The following PCDHGA12 variants were observed in gnomAD, a reference collection of about 807,000 sequenced individuals.
PCDHGA12 encodes the protein protocadherin gamma subfamily A, 12, also known as protocadherin gamma-A12.
PCDHGA12 carries 43 observed loss-of-function variants against 61.1 expected under a neutral mutation model. That is an observed-to-expected ratio of 0.70 (90% CI 0.55 to 0.91). The LOEUF (loss-of-function observed/expected upper bound fraction) is 0.91, where lower values mean the gene tolerates loss of function less well. Ranked by LOEUF, PCDHGA12 falls within the 40% of genes least tolerant of loss-of-function variation. PCDHGA12 has a pLI of 0.00. For synonymous variants in PCDHGA12, 520 were observed against 542.9 expected (o/e 0.96, Z 0.59); for missense variants, 1,236 against 1,227.7 (o/e 1.01, Z -0.10).
In PCDHGA12 at chr5:141,477,486, C is replaced by T. The variant is rs1472326209; in HGVS notation, c.2425-17321C>T. On this transcript the variant is annotated intron_variant, in intron 1 of 3. Coordinates refer to ENST00000252085, the MANE Select transcript of PCDHGA12 (RefSeq NM_003735.3). This position sits in a 1 kb window ranked among gnomAD's most constrained non-coding sequence, Gnocchi z 4.9. ...GACATCAATGACAACCCTCCACAATCTTCTCAATCTTCCTACGACGTTTAC... is the reference window on the plus strand; with the variant it reads ...GACATCAATGACAACCCTCCACAATTTTCTCAATCTTCCTACGACGTTTAC... 6.2e-7 allele frequency: 1 copy of T among 1,614,052 alleles called. No individual in the cohort carries two copies. The highest frequency in any genetic ancestry group is 1.3e-5 in the African/African-American group (1 of 74,914).
chr5:141,480,599 C>A (rs1202373543), intron 1 of PCDHGA12, among the ~76,000 whole-genome samples: 1 of 141,438 alleles, frequency 7.1e-6, no homozygotes, highest in East Asian at 1.9e-4. Flanking sequence ...TCTGGTCAGC[C>A]TGGAAAGCAA....
In PCDHGA12 at chr5:141,433,093, G is replaced by A. The variant is rs1203083573; in HGVS notation, c.2334G>A (p.Met778Ile). Residue 778 changes from methionine to isoleucine, a missense_variant, in exon 1 of 4, where the codon ATG (methionine) becomes ATA (isoleucine). By Grantham distance (10) the Met-to-Ile change is conservative. Coordinates refer to ENST00000252085, the MANE Select transcript of PCDHGA12 (RefSeq NM_003735.3). ...LIFPQPNYAD[M>I]LVSQESFEKS... Reference sequence around the variant, plus strand: ...TCCCCCAGCCCAACTATGCAGACATGCTCGTCAGCCAGGAGAGCTTTGAAA... The same window carrying A: ...TCCCCCAGCCCAACTATGCAGACATACTCGTCAGCCAGGAGAGCTTTGAAA... 2.5e-6 allele frequency: 4 copies of A among 1,614,206 alleles called. No homozygotes were observed. Among genetic ancestry groups the A allele is most frequent in the Admixed American group, 1.7e-5 (1 of 60,026 alleles).
intron 1 of PCDHGA12, among the ~76,000 whole-genome samples, chr5:141,463,177 A>G (rs914982793): frequency 2.6e-5 from 4 of 152,250 alleles, no homozygotes; most frequent in Admixed American, 2.6e-4. Context: ...ATGTATGCTC[A>G]GATTATTATT....
chr5:141,443,029 C>A (rs1281303741), intron 1 of PCDHGA12, among the ~76,000 whole-genome samples: 1 of 152,192 alleles, frequency 6.6e-6, no homozygotes, highest in Admixed American at 6.5e-5. Flanking sequence ...AGTTGCCAGA[C>A]CTAAACTTTG....
At chr5:141,480,167 G>C (rs752444894) in intron 1 of PCDHGA12, among the ~76,000 whole-genome samples, 3 of 151,964 alleles carry the variant, frequency 2.0e-5, no homozygotes, top group Non-Finnish European at 2.9e-5. Flanking sequence ...ATTTTGGGAG[G>C]CTGAGGCAGG....
intron 1 of PCDHGA12, among the ~76,000 whole-genome samples, chr5:141,462,771 G>C (rs1295560657): frequency 6.6e-6 from 1 of 152,088 alleles, no homozygotes; most frequent in Non-Finnish European, 1.5e-5. Context: ...CTGGCTTGGG[G>C]TCATAATTTG....
At chr5:141,464,044 C>T (rs898632465) in intron 1 of PCDHGA12, among the ~76,000 whole-genome samples, 1 of 152,086 alleles carries the variant, frequency 6.6e-6, no homozygotes, top group African/African-American at 2.4e-5. Context: ...GCGGGTGGAT[C>T]ACCTGAGGTC....
Position 141,477,665 on chromosome 5 carries a change from G to T in PCDHGA12, c.2425-17142G>T, listed in dbSNP as rs753814499. ...CTATTTCACAATAAATCGTGACAAT[G>T]GCATAGTGTCATCCTTAGTGCCCCT... is the stretch of plus-strand genomic sequence containing the variant. On this transcript the variant is annotated intron_variant, in intron 1 of 3. Coordinates refer to ENST00000252085, the MANE Select transcript of PCDHGA12 (RefSeq NM_003735.3). The surrounding 1 kb of genome is among the most constrained non-coding windows in gnomAD (Gnocchi z 4.9). 6.2e-7 allele frequency: 1 copy of T among 1,614,182 alleles called. No individual in the cohort carries two copies. The highest frequency in any genetic ancestry group is 8.5e-7 in the Non-Finnish European group (1 of 1,180,038).
intron 1 of PCDHGA12, among the ~76,000 whole-genome samples, chr5:141,482,554 A>T (rs997707871): frequency 4.1e-5 from 6 of 146,884 alleles, no homozygotes; most frequent in Non-Finnish European, 6.0e-5. Flanking sequence ...AAAAAAGATA[A>T]TGGAGATCTG....
intron 1 of PCDHGA12, among the ~76,000 whole-genome samples, chr5:141,436,809 A>T (rs2097847373): frequency 6.6e-6 from 1 of 152,242 alleles, no homozygotes; most frequent in Non-Finnish European, 1.5e-5. Context: ...TTTTTGTGAC[A>T]GCTGGTTTAA....
chr5:141,435,409 G>A (rs1387678336), intron 1 of PCDHGA12, among the ~76,000 whole-genome samples: 1 of 152,066 alleles, frequency 6.6e-6, no homozygotes, highest in African/African-American at 2.4e-5. Context: ...AAATGGTAAA[G>A]ACTATTTTTC....
rs533830391 is a variant in PCDHGA12, at chr5:141,492,559, C to T, written c.2425-2248C>T. 4.6e-5 allele frequency among the ~76,000 whole-genome samples: 7 copies of T among 152,292 alleles called. No homozygotes were observed. The East Asian group carries it at 1.4e-3, about 29-fold the overall frequency. The stretch of plus-strand genomic sequence containing the variant: ...GGGCTGGGCCGGGTCGCCTGGGGGG[C>T]GGCCTGAGCGAGGCGCGGGGCCAGG... On this transcript the variant is annotated intron_variant, in intron 1 of 3. Coordinates refer to ENST00000252085, the MANE Select transcript of PCDHGA12 (RefSeq NM_003735.3).
At chr5:141,499,686 T>C (rs1400567357) in intron 2 of PCDHGA12, among the ~76,000 whole-genome samples, 2 of 149,346 alleles carry the variant, frequency 1.3e-5, no homozygotes, top group East Asian at 2.0e-4. Context: ...CTTTAACAGA[T>C]GACTTTTTTT....
Position 141,485,835 on chromosome 5 carries a change from C to T in PCDHGA12, c.2425-8972C>T, listed in dbSNP as rs747722740. On this transcript the variant is annotated intron_variant, in intron 1 of 3. Transcript: ENST00000252085. This position sits in a 1 kb window ranked among gnomAD's most constrained non-coding sequence, Gnocchi z 5.7. ...ACTGCTGTCGATGGAGGGAACCCGC[C>T]GAGATCTGGCACCGCAGAGCTCCGG... 6.2e-7 allele frequency: 1 copy of T among 1,614,190 alleles called. No homozygotes were observed. Among genetic ancestry groups the T allele is most frequent in the Non-Finnish European group, 8.5e-7 (1 of 1,180,048 alleles).
rs147522770 is a variant in PCDHGA12, at chr5:141,504,573, C to T, written c.2484-820C>T. On this transcript the variant is annotated intron_variant, in intron 2 of 3. Coordinates refer to ENST00000252085, the MANE Select transcript of PCDHGA12 (RefSeq NM_003735.3). ...TGGGGGACTGGCATTCTAGGGAACA[C>T]CATCTGCCCAGGATTCACAGCAAGA... Among the ~76,000 whole-genome samples the T allele has an allele frequency of 5.4e-5, 8 of 148,158 alleles. No individual in the cohort carries two copies. In the East Asian group the frequency reaches 1.6e-3, roughly 30 times the overall value.
Position 141,490,749 on chromosome 5 carries a change from C to T in PCDHGA12, c.2425-4058C>T, listed in dbSNP as rs777124697. 3.1e-6 allele frequency: 5 copies of T among 1,614,098 alleles called. No individual in the cohort carries two copies. The South Asian group carries it at 5.5e-5, about 18-fold the overall frequency. ...GAAATCAGGTTCAGGGAGCCCCAGC[C>T]TCCTCCTTTGTGTATGTCAACCCAG... On this transcript the variant is annotated intron_variant, in intron 1 of 3. Coordinates refer to ENST00000252085, the MANE Select transcript of PCDHGA12 (RefSeq NM_003735.3). The surrounding 1 kb of genome is among the most constrained non-coding windows in gnomAD (Gnocchi z 5.4).
chr5:141,502,500 G>C (rs1398797155), intron 2 of PCDHGA12, among the ~76,000 whole-genome samples: 1 of 152,046 alleles, frequency 6.6e-6, no homozygotes, highest in Non-Finnish European at 1.5e-5. Flanking sequence ...ATCTAACGTC[G>C]GCCTGTCCCA....
chr5:141,431,660 A>G lies in PCDHGA12; in HGVS notation c.901A>G (p.Ile301Val). Residue 301 changes from isoleucine (I) to valine (V), a missense_variant, in exon 1 of 4, where the codon ATA (isoleucine) becomes GTA (valine). Ile to Val is a conservative substitution (Grantham distance 29). Transcript: ENST00000252085. This position sits in a 1 kb window ranked among gnomAD's most constrained non-coding sequence, Gnocchi z 4.8. ...CAAACTAGATTGTAATTCAGGGACA[A>G]TATCAACAATAGGGGAGTTGGACCA... Reference protein sequence around the residue: ...VFKLDCNSGTISTIGELDHEE... With the variant: ...VFKLDCNSGTVSTIGELDHEE... 7 of 1,614,256 alleles carry G rather than the reference A, an allele frequency of 4.3e-6. No individual in the cohort carries two copies. The highest frequency in any genetic ancestry group is 5.1e-6 in the Non-Finnish European group (6 of 1,180,046).
chr5:141,437,385 C>T (rs543945898), intron 1 of PCDHGA12, among the ~76,000 whole-genome samples: 12 of 152,202 alleles, frequency 7.9e-5, no homozygotes, highest in Non-Finnish European at 1.6e-4. Flanking sequence ...AGAAGACATT[C>T]ATCCACTGCT....
Sources: gnomAD v4.1 joint callset for allele counts (sites outside exome capture counted in the v4.1 genomes callset) on GRCh38, gnomAD v4.1.1 for gene constraint, Gnocchi (gnomAD v3.1) non-coding constraint, MANE v1.5 for transcripts, NCBI Gene and HGNC (gene_info 2026-07-23, HGNC 2026-07-21) for gene names.